STAU2: variants seen among roughly 807,000 people sequenced by gnomAD.
STAU2 encodes the protein staufen double-stranded RNA binding protein 2, also known as double-stranded RNA-binding protein Staufen homolog 2.
STAU2 carries 20 observed loss-of-function variants against 65.9 expected under a neutral mutation model. The observed-to-expected ratio is 0.30, with a 90% CI of 0.21 to 0.44. STAU2 has a LOEUF of 0.44. Among genes scored for constraint, STAU2 ranks in the 20% least tolerant of loss-of-function variants. The pLI, the probability that STAU2 is intolerant of heterozygous loss-of-function variation, is 1.00. For missense variants in STAU2, 558 were observed against 683.9 expected, an observed-to-expected ratio of 0.82 and a Z score of 2.05; for synonymous variants, 232 against 233.9, an observed-to-expected ratio of 0.99 and a Z score of 0.07.
intron 13 of STAU2, among the ~76,000 whole-genome samples, chr8:73,466,198 C>G (rs1469659623): frequency 6.6e-6 from 1 of 152,204 alleles, no homozygotes; most frequent in Non-Finnish European, 1.5e-5. Context: ...TCCTTTAAGC[C>G]AAAATACCAT....
At chr8:73,558,022 T>G (rs1327448008) in intron 12 of STAU2, among the ~76,000 whole-genome samples, 1 of 152,184 alleles carries the variant, frequency 6.6e-6, no homozygotes, top group Non-Finnish European at 1.5e-5. Flanking sequence ...AACTGAAGCA[T>G]GGAGAAGATA....
At chr8:73,458,952 G>A (rs564849540) in intron 13 of STAU2, among the ~76,000 whole-genome samples, 16 of 152,136 alleles carry the variant, frequency 1.1e-4, no homozygotes, top group East Asian at 1.9e-4. Context: ...CTAGAGTTTC[G>A]TGGAAAACAA....
intron 3 of STAU2, among the ~76,000 whole-genome samples, chr8:73,717,330 A>G (rs10098222): frequency 0.87 from 133,049 of 152,142 alleles, 58,495 homozygotes; most frequent in East Asian, 0.97. Context: ...GTATATCTAA[A>G]AAATTATTAC....
At chr8:73,706,963 C>T (rs1586316157) in intron 4 of STAU2, among the ~76,000 whole-genome samples, 1 of 152,210 alleles carries the variant, frequency 6.6e-6, no homozygotes, top group Non-Finnish European at 1.5e-5. Context: ...TAAGAGTCCT[C>T]CAGAAACTTC....
At chr8:73,717,474 A>G (rs546847496) in intron 3 of STAU2, among the ~76,000 whole-genome samples, 8 of 152,332 alleles carry the variant, frequency 5.3e-5, no homozygotes, top group Non-Finnish European at 1.0e-4. Context: ...CATTTTTTGT[A>G]TATCAATATC....
At chr8:73,556,221 G>A (rs1807754632) in intron 12 of STAU2, among the ~76,000 whole-genome samples, 1 of 151,728 alleles carries the variant, frequency 6.6e-6, no homozygotes, top group South Asian at 2.1e-4. Context: ...CATATTATCA[G>A]ACATCTAATT....
intron 13 of STAU2, among the ~76,000 whole-genome samples, chr8:73,506,474 TA>T (rs1421037360): frequency 6.6e-6 from 1 of 152,198 alleles, no homozygotes; most frequent in Non-Finnish European, 1.5e-5. Context: ...TCCAGTCTAT[TA>T]AGTGTGCAAT....
chr8:73,609,250 G>T (rs1184272265), intron 9 of STAU2, among the ~76,000 whole-genome samples: 1 of 152,048 alleles, frequency 6.6e-6, no homozygotes, highest in Non-Finnish European at 1.5e-5. Flanking sequence ...GAAAAAGACT[G>T]AGAACTTCAC....
In STAU2 at chr8:73,697,494, G is replaced by T. The variant is rs946264673; in HGVS notation, c.115-8681C>A. 2.0e-5 allele frequency: 3 copies of T among 152,270 alleles called. No individual in the cohort carries two copies. The East Asian group carries it at 5.8e-4, about 29-fold the overall frequency. The allele number at this position is 152,270 out of a possible 1,614,324, so 9.4% of individuals were successfully genotyped here. On this transcript the variant is annotated intron_variant, in intron 4 of 14. Coordinates refer to ENST00000524300, the MANE Select transcript of STAU2 (RefSeq NM_001164380.2). ...AAGAAATCATCTGAAGGTACAAAAT[G>T]CACTGGTAACGGTAAGCATACAGAA...
chr8:73,670,850 A>C (rs1224244516), intron 6 of STAU2, among the ~76,000 whole-genome samples: 1 of 152,162 alleles, frequency 6.6e-6, no homozygotes, highest in Non-Finnish European at 1.5e-5. Flanking sequence ...GCATAAAAGA[A>C]GTGAGAGAAA....
At chr8:73,556,524 G>A (rs1009848757) in intron 12 of STAU2, among the ~76,000 whole-genome samples, 3 of 152,148 alleles carry the variant, frequency 2.0e-5, no homozygotes, top group African/African-American at 7.2e-5. Flanking sequence ...TTGGGAGGCC[G>A]AAGCTGGCAA....
intron 13 of STAU2, among the ~76,000 whole-genome samples, chr8:73,460,281 G>T (rs1819286264): frequency 1.3e-5 from 2 of 152,172 alleles, no homozygotes; most frequent in South Asian, 4.1e-4. Context: ...CATTGTTGTT[G>T]TTTTGACTAA....
intron 12 of STAU2, among the ~76,000 whole-genome samples, chr8:73,562,102 A>C (rs1014372502): frequency 6.6e-6 from 1 of 152,236 alleles, no homozygotes; most frequent in Non-Finnish European, 1.5e-5. Flanking sequence ...CATGATAGAG[A>C]CAAGAAACTG....
intron 6 of STAU2, among the ~76,000 whole-genome samples, chr8:73,654,092 GTTTA>G (rs1563484264): frequency 6.6e-6 from 1 of 151,986 alleles, no homozygotes; most frequent in Non-Finnish European, 1.5e-5. Context: ...AAATTTCATA[GTTTA>G]TTTTAATCAT....
At chr8:73,625,696 TTG>T (rs991583915) in intron 6 of STAU2, among the ~76,000 whole-genome samples, 3 of 152,220 alleles carry the variant, frequency 2.0e-5, no homozygotes, top group African/African-American at 4.8e-5. Context: ...ATAGTTAATC[TTG>T]TGTTACGTAA....
At chr8:73,516,698 G>A (rs947381996) in intron 13 of STAU2, among the ~76,000 whole-genome samples, 4 of 152,176 alleles carry the variant, frequency 2.6e-5, no homozygotes, top group Admixed American at 2.0e-4. Context: ...GAAGGTTACC[G>A]CTTTTCAGTT....
intron 3 of STAU2, among the ~76,000 whole-genome samples, chr8:73,714,969 T>C (rs1821143543): frequency 6.6e-6 from 1 of 151,100 alleles, no homozygotes; most frequent in East Asian, 2.0e-4. Context: ...TAATCCCAGC[T>C]ACTCAGGAGG....
Position 73,688,747 on chromosome 8 carries a change from C to A in STAU2, c.181G>T (p.Ala61Ser). 6.2e-7 allele frequency: 1 copy of A among 1,614,146 alleles called. No individual in the cohort carries two copies. The highest frequency in any genetic ancestry group is 8.5e-7 in the Non-Finnish European group (1 of 1,180,036). The change falls in exon 5 of 15, where the codon GCT (alanine) becomes TCT (serine). Residue 61 changes from alanine to serine, a missense_variant. This residue lies in a region of STAU2 where 112 missense variants were observed against 114.2 expected (regional missense o/e 0.98). Transcript: ENST00000524300. ...WESEGSSIKK[A>S]QQAVANKALT... ...GCTTTATTGGCAACAGCCTGCTGAGCCTTCTTTATACTGCTGCCTTCGGAT... is the reference window on the plus strand; with the variant it reads ...GCTTTATTGGCAACAGCCTGCTGAGACTTCTTTATACTGCTGCCTTCGGAT...
intron 12 of STAU2, among the ~76,000 whole-genome samples, chr8:73,572,808 A>G (rs549548765): frequency 7.6e-4 from 115 of 152,274 alleles, no homozygotes; most frequent in African/African-American, 2.6e-3. Flanking sequence ...ATGGGCAAAA[A>G]CTGGAAGCAT....
Sources: allele counts gnomAD v4.1 joint callset (sites outside exome capture counted in the v4.1 genomes callset), GRCh38; gene constraint gnomAD v4.1.1; regional missense constraint gnomAD v4.1.1; transcripts MANE v1.5; gene names NCBI Gene and HGNC (gene_info 2026-07-23, HGNC 2026-07-21).